LIMK2: variants seen among roughly 807,000 people sequenced by gnomAD.
LIMK2 encodes the protein LIM domain kinase 2.
Under a neutral mutation model 75.7 loss-of-function variants are expected in LIMK2, and 35 were observed. The observed-to-expected ratio is 0.46, with a 90% CI of 0.35 to 0.61. The LOEUF (loss-of-function observed/expected upper bound fraction) is 0.61. Among genes scored for constraint, LIMK2 ranks in the 20% least tolerant of loss-of-function variants. The pLI is 0.00. For missense variants in LIMK2, 623 were observed against 831.0 expected, an observed-to-expected ratio of 0.75 and a Z score of 3.08; for synonymous variants, 301 against 319.2, an observed-to-expected ratio of 0.94 and a Z score of 0.61.
intron 14 of LIMK2, among the ~76,000 whole-genome samples, chr22:31,273,990 C>T (rs1007570933): frequency 6.7e-6 from 1 of 150,350 alleles, no homozygotes; most frequent in African/African-American, 2.4e-5. Flanking sequence ...TGAGCTACCT[C>T]GCCCGGCCAG....
At chr22:31,271,810 G>C (rs985187565) in intron 12 of LIMK2, among the ~76,000 whole-genome samples, 1 of 152,098 alleles carries the variant, frequency 6.6e-6, no homozygotes, top group Non-Finnish European at 1.5e-5. Flanking sequence ...CCCATCTACT[G>C]CCTCCACCTT....
chr22:31,262,383 C>T lies in LIMK2; in HGVS notation c.657+144C>T, dbSNP rs1375010506. 7 of 811,650 alleles carry T rather than the reference C, an allele frequency of 8.6e-6. No homozygotes were observed. Among genetic ancestry groups the T allele is most frequent in the Non-Finnish European group, 1.2e-5 (6 of 494,022 alleles). The allele number at this position is 811,650 out of a possible 1,614,324, so 50.3% of individuals were successfully genotyped here. On this transcript the variant is annotated intron_variant, in intron 6 of 15. Coordinates refer to ENST00000331728, the MANE Select transcript of LIMK2 (RefSeq NM_005569.4). The surrounding 1 kb of genome is among the most constrained non-coding windows in gnomAD (Gnocchi z 5.0). ...GCCTGTGACCACTGGTGACCTATTT[C>T]AGCGTAACAGGTTCCCAGGGTAGCA...
At chr22:31,249,630 C>CTGTT (rs948533026) in intron 2 of LIMK2, among the ~76,000 whole-genome samples, 1 of 152,140 alleles carries the variant, frequency 6.6e-6, no homozygotes. Context: ...TGGGAGCAGC[C>CTGTT]TGTTGTTCCA....
At chr22:31,221,630 G>A (rs958221405) in intron 1 of LIMK2, among the ~76,000 whole-genome samples, 42 of 151,308 alleles carry the variant, frequency 2.8e-4, no homozygotes, top group African/African-American at 1.0e-3. Context: ...GACTACAGGC[G>A]CCCACCACCA....
intron 3 of LIMK2, chr22:31,258,668 C>T (rs759955875): frequency 2.2e-5 from 11 of 501,738 alleles, no homozygotes; most frequent in African/African-American, 3.8e-5. Flanking sequence ...AGAGAGGAGA[C>T]ACAATATAGT....
At chr22:31,219,913 T>C (rs1443054554) in intron 1 of LIMK2, among the ~76,000 whole-genome samples, 1 of 152,188 alleles carries the variant, frequency 6.6e-6, no homozygotes, top group Non-Finnish European at 1.5e-5. Context: ...TGTTGATAAG[T>C]CTGCAAATAT....
At chr22:31,260,911 A>G (rs2048831617) in intron 5 of LIMK2, among the ~76,000 whole-genome samples, 2 of 152,232 alleles carry the variant, frequency 1.3e-5, no homozygotes, top group South Asian at 4.1e-4. Flanking sequence ...CAGCAGATCC[A>G]TTGAGAGTTT....
intron 2 of LIMK2, among the ~76,000 whole-genome samples, chr22:31,247,745 G>A (rs2048684227): frequency 2.0e-5 from 3 of 152,158 alleles, no homozygotes. Context: ...AATAATTCCT[G>A]TCTCAGAGAA....
intron 2 of LIMK2, among the ~76,000 whole-genome samples, chr22:31,241,555 T>A (rs2048624041): frequency 6.6e-6 from 1 of 152,112 alleles, no homozygotes. Flanking sequence ...GCATTCATTC[T>A]CCTCTGGGAA....
At chr22:31,213,519 G>A (rs940069134) in intron 1 of LIMK2, among the ~76,000 whole-genome samples, 9 of 152,216 alleles carry the variant, frequency 5.9e-5, no homozygotes, top group African/African-American at 2.2e-4. Flanking sequence ...TGGGCTACCA[G>A]TGGGTCACTT....
intron 2 of LIMK2, among the ~76,000 whole-genome samples, chr22:31,241,997 A>G (rs537248380): frequency 1.3e-5 from 2 of 152,342 alleles, no homozygotes; most frequent in African/African-American, 4.8e-5. Context: ...CCTTTCCTCA[A>G]TGTGAGCTCT....
At chr22:31,260,219 A>C (rs2048825269) in intron 5 of LIMK2, 142 bp downstream of exon 5, 1 of 667,736 alleles carries the variant, frequency 1.5e-6, no homozygotes, top group Non-Finnish European at 2.3e-6. Context: ...ACTATGCTGT[A>C]ACCGTACCTG....
chr22:31,275,383 C>G, intron 15 of LIMK2, 75 bp downstream of exon 15: 2 of 1,463,270 alleles, frequency 1.4e-6, no homozygotes, highest in South Asian at 2.4e-5. Context: ...ACCCCTGAGC[C>G]CTCTGCAAGC....
At chr22:31,263,359 G>A (rs1159504145) in intron 7 of LIMK2, among the ~76,000 whole-genome samples, 1 of 152,114 alleles carries the variant, frequency 6.6e-6, no homozygotes, top group African/African-American at 2.4e-5. Flanking sequence ...TTCAGGCTGA[G>A]CTCCTCCCTT....
At position 31,271,204 on chromosome 22, in the gene LIMK2, A is replaced by G. The variant is rs749399105; in HGVS notation, c.1383+3A>G. On this transcript the variant is annotated splice_donor_region_variant and intron_variant, in intron 12 of 15. Coordinates refer to ENST00000331728, the MANE Select transcript of LIMK2 (RefSeq NM_005569.4). ...CGCACAACTGCCTCATCAAGTTGGT[A>G]TGTCCCACTGCTCTGGGCCTGGCCT... 1 of 1,613,422 alleles carries G rather than the reference A, an allele frequency of 6.2e-7. No individual in the cohort carries two copies. Among genetic ancestry groups the G allele is most frequent in the Non-Finnish European group, 8.5e-7 (1 of 1,179,432 alleles).
At chr22:31,276,512 G>GGGGGCGGGGCGCGACCAGGCCA (rs1336072580) in intron 15 of LIMK2, among the ~76,000 whole-genome samples, 2 of 144,668 alleles carry the variant, frequency 1.4e-5, no homozygotes, top group Non-Finnish European at 1.5e-5. Flanking sequence ...TCGGCGGGGA[G>GGGGGCGGGGCGCGACCAGGCCA]GGGGCGGGGC....
chr22:31,270,051 G>C (rs1185929332), intron 11 of LIMK2, among the ~76,000 whole-genome samples: 1 of 152,160 alleles, frequency 6.6e-6, no homozygotes, highest in Non-Finnish European at 1.5e-5. Flanking sequence ...TGATTGTTGA[G>C]CAACTGGTTT....
chr22:31,277,626 T>C, intron 15 of LIMK2: 2 of 826,452 alleles, frequency 2.4e-6, no homozygotes, highest in Non-Finnish European at 2.9e-6. Flanking sequence ...TTAAAAAATA[T>C]ATATATACAG....
Position 31,212,369 on chromosome 22 carries a change from TC to T in LIMK2, c.-35del. On this transcript the variant is annotated 5_prime_UTR_variant, in exon 1 of 16. Coordinates refer to ENST00000331728, the MANE Select transcript of LIMK2 (RefSeq NM_005569.4). Reference sequence around the variant, plus strand: ...TAGGGAACTGAGGGGAGCTGCTGTGTCCCCCGCCTCCTCCTCCCCATTTCCG... The same window carrying T: ...TAGGGAACTGAGGGGAGCTGCTGTGTCCCCGCCTCCTCCTCCCCATTTCCG... 4 of 1,332,920 alleles carry T rather than the reference TC, an allele frequency of 3.0e-6. No homozygotes were observed. The highest frequency in any genetic ancestry group is 3.0e-5 in the Admixed American group (1 of 33,492). The allele number at this position is 1,332,920 out of a possible 1,614,324, so 82.6% of individuals were successfully genotyped here. A position where few individuals can be genotyped will look rare whatever the true frequency, so the allele number is the denominator to read the frequency against.
Sources: gnomAD v4.1 joint callset for allele counts (sites outside exome capture counted in the v4.1 genomes callset) on GRCh38, gnomAD v4.1.1 for gene constraint, Gnocchi (gnomAD v3.1) non-coding constraint, MANE v1.5 for transcripts, NCBI Gene and HGNC (gene_info 2026-07-23, HGNC 2026-07-21) for gene names.